Variants in DNAH14 observed in about 807,000 individuals in gnomAD.
DNAH14 encodes the protein axonemal beta dynein heavy chain 14.
In DNAH14, 478 loss-of-function variants were observed where a neutral mutation model predicts 520.9. The observed-to-expected ratio is 0.92, with a 90% CI of 0.85 to 0.99. The LOEUF (loss-of-function observed/expected upper bound fraction) is 0.99, where lower values mean the gene tolerates loss of function less well. Among genes scored for constraint, DNAH14 ranks in the 50% least tolerant of loss-of-function variants. DNAH14 has a pLI of 0.00. For missense variants in DNAH14, 4,831 were observed against 5,234.5 expected (o/e 0.92, Z 2.38); for synonymous variants, 1,581 against 1,757.2 (o/e 0.90, Z 2.51).
chr1:225,323,708 C>T (rs1252364285), intron 62 of DNAH14, among the ~76,000 whole-genome samples: 1 of 152,114 alleles, frequency 6.6e-6, no homozygotes, highest in African/African-American at 2.4e-5. Flanking sequence ...TGATCTGCCC[C>T]CCTGGGCGTC....
chr1:225,228,448 T>C (rs1158238243), intron 41 of DNAH14, among the ~76,000 whole-genome samples: 1 of 151,210 alleles, frequency 6.6e-6, no homozygotes, highest in African/African-American at 2.4e-5. Flanking sequence ...TGGGATGAGG[T>C]GAAACAACAC....
intron 17 of DNAH14, among the ~76,000 whole-genome samples, chr1:225,070,219 G>C (rs917653363): frequency 1.3e-5 from 2 of 151,904 alleles, no homozygotes; most frequent in African/African-American, 2.4e-5. Flanking sequence ...AGTTCACTCT[G>C]ATTTTGGTTA....
At chr1:225,043,718 CTCTT>C in intron 13 of DNAH14, 22 bp from the exon 14 acceptor site, 1 of 1,414,928 alleles carries the variant, frequency 7.1e-7, no homozygotes, top group Non-Finnish European at 9.7e-7. Flanking sequence ...TTTGTATTTT[CTCTT>C]TCTTTCAATG....
In DNAH14 at chr1:225,223,748, A is replaced by C. The variant is rs1295578417; in HGVS notation, c.6440-7325A>C. 2.0e-5 allele frequency among the ~76,000 whole-genome samples: 3 copies of C among 152,212 alleles called. No homozygotes were observed. In the East Asian group the frequency reaches 5.8e-4, roughly 29 times the overall value. On this transcript the variant is annotated intron_variant, in intron 41 of 85. Coordinates refer to ENST00000682510, the MANE Select transcript of DNAH14 (RefSeq NM_001367479.1). The stretch of plus-strand genomic sequence containing the variant: ...TTTGCATTTACCACACCAGCTGTCA[A>C]TAATGCAAGGCCAGCTCACCAACTT...
intron 36 of DNAH14, among the ~76,000 whole-genome samples, chr1:225,169,795 G>A (rs1307856427): frequency 2.0e-5 from 3 of 152,116 alleles, no homozygotes; most frequent in Non-Finnish European, 2.9e-5. Flanking sequence ...CTTGAGAAGA[G>A]TAACTCCAAG....
At chr1:224,964,720 C>G in intron 5 of DNAH14, 111 bp downstream of exon 5, 1 of 962,428 alleles carries the variant, frequency 1.0e-6, no homozygotes, top group Non-Finnish European at 1.5e-6. Flanking sequence ...ACATTAATAT[C>G]AAGTTACAAT....
At chr1:225,072,864 G>T (rs1463045279) in intron 17 of DNAH14, among the ~76,000 whole-genome samples, 1 of 152,174 alleles carries the variant, frequency 6.6e-6, no homozygotes, top group East Asian at 1.9e-4. Flanking sequence ...ATGCCAGCCT[G>T]CCCCTTCTCC....
chr1:225,186,188 A>G (rs1241973326), intron 37 of DNAH14, among the ~76,000 whole-genome samples: 1 of 147,932 alleles, frequency 6.8e-6, no homozygotes, highest in Non-Finnish European at 1.5e-5. Context: ...ACATATTCCA[A>G]AAATTTACAA....
intron 55 of DNAH14, among the ~76,000 whole-genome samples, chr1:225,296,933 C>T (rs1316585434): frequency 6.6e-6 from 1 of 152,108 alleles, no homozygotes. Flanking sequence ...TGAATTTTGA[C>T]AGTTTGACTG....
rs140150855 is a variant in DNAH14, at chr1:225,184,491, G to A, written c.5536-800G>A. Among the ~76,000 whole-genome samples, 596 of 152,026 alleles carry A rather than the reference G, an allele frequency of 3.9e-3. 3 individuals carry two copies. Among genetic ancestry groups the A allele is most frequent in the African/African-American group, 0.014 (563 of 41,464 alleles). On this transcript the variant is annotated intron_variant, in intron 36 of 85. Transcript: ENST00000682510. ...AATAATTAGCCAGCTGTGATGGCAC[G>A]CACCTGTAGTCCCACATACTCAGGA...
intron 4 of DNAH14, 89 bp from the exon 5 acceptor site, chr1:224,964,390 T>G (rs768852624): frequency 4.5e-6 from 6 of 1,322,578 alleles, no homozygotes; most frequent in Non-Finnish European, 5.9e-6. Flanking sequence ...AATTTTTCTC[T>G]ATATAGAAAT....
At position 225,119,313 on chromosome 1, in the gene DNAH14, T is replaced by C; in HGVS notation, c.4166+19T>C. 6.8e-7 allele frequency: 1 copy of C among 1,478,398 alleles called. No individual in the cohort carries two copies. The highest frequency in any genetic ancestry group is 2.5e-5 in the East Asian group (1 of 39,376). The allele number at this position is 1,478,398 out of a possible 1,614,324, so 91.6% of individuals were successfully genotyped here. A position where few individuals can be genotyped will look rare whatever the true frequency, so the allele number is the denominator to read the frequency against. ...TAAAAAAGTAAGTACAATTTTCAAA[T>C]CCTAAAATTATATATTTTATATATA... On this transcript the variant is annotated intron_variant, in intron 26 of 85. Coordinates refer to ENST00000682510, the MANE Select transcript of DNAH14 (RefSeq NM_001367479.1).
At chr1:225,302,929 A>G (rs2094166818) in intron 56 of DNAH14, among the ~76,000 whole-genome samples, 1 of 152,142 alleles carries the variant, frequency 6.6e-6, no homozygotes, top group Non-Finnish European at 1.5e-5. Flanking sequence ...AGCCCCCATC[A>G]TAAGAGTTGG....
At chr1:225,202,953 T>A (rs944861125) in intron 38 of DNAH14, among the ~76,000 whole-genome samples, 6 of 152,210 alleles carry the variant, frequency 3.9e-5, no homozygotes, top group Admixed American at 3.3e-4. Context: ...AGATCTTCTT[T>A]CATGATCTAG....
chr1:224,978,939 C>A (rs2062057282), intron 8 of DNAH14, among the ~76,000 whole-genome samples: 1 of 152,014 alleles, frequency 6.6e-6, no homozygotes, highest in South Asian at 2.1e-4. Flanking sequence ...CTGTGGCTGA[C>A]CCTTAAAAAA....
At chr1:225,099,658 C>T (rs906246654) in intron 22 of DNAH14, among the ~76,000 whole-genome samples, 1 of 151,870 alleles carries the variant, frequency 6.6e-6, no homozygotes, top group Non-Finnish European at 1.5e-5. Flanking sequence ...TGAAAGATCT[C>T]CACCCAAAAA....
Position 225,153,801 on chromosome 1 carries a change from G to A in DNAH14, c.5248G>A (p.Gly1750Arg). ...RSLKIVLIMA[G>R]TKKREFKCDT... is the part of the protein sequence containing the mutation. ...TCTGAAGATAGTTTTAATAATGGCTGGAACGAAGAAACGGGAGTTTAAATG... is the reference window on the plus strand; with the variant it reads ...TCTGAAGATAGTTTTAATAATGGCTAGAACGAAGAAACGGGAGTTTAAATG... The change falls in exon 34 of 86, where the codon GGA becomes AGA. Residue 1750 changes from glycine to arginine, a missense_variant. Transcript: ENST00000682510. 1 of 1,549,800 alleles carries A rather than the reference G, an allele frequency of 6.5e-7. No homozygotes were observed. The highest frequency in any genetic ancestry group is 8.7e-7 in the Non-Finnish European group (1 of 1,145,812).
chr1:225,312,095 G>A (rs368129881), intron 60 of DNAH14, among the ~76,000 whole-genome samples: 7 of 152,048 alleles, frequency 4.6e-5, no homozygotes, highest in South Asian at 2.1e-4. Context: ...ATGTTTTTCC[G>A]TTTGTTTGTG....
chr1:225,308,090 G>A (rs2094286831), intron 59 of DNAH14, among the ~76,000 whole-genome samples, 195 bp from the exon 60 acceptor site: 1 of 152,206 alleles, frequency 6.6e-6, no homozygotes, highest in Non-Finnish European at 1.5e-5. Context: ...CTGAGAGCTG[G>A]CCAAATGGTG....
Sources: gnomAD v4.1 joint callset for allele counts (sites outside exome capture counted in the v4.1 genomes callset) on GRCh38, gnomAD v4.1.1 for gene constraint, MANE v1.5 for transcripts, NCBI Gene and HGNC (gene_info 2026-07-23, HGNC 2026-07-21) for gene names.